The following FKBP5 variants were observed in gnomAD, a reference collection of about 807,000 sequenced individuals.
FKBP5 encodes the protein peptidyl-prolyl cis-trans isomerase FKBP5.
FKBP5 carries 23 observed loss-of-function variants against 50.5 expected under a neutral mutation model. That is an observed-to-expected ratio of 0.46 (90% CI 0.33 to 0.65). The LOEUF is 0.65. Among genes scored for constraint, FKBP5 ranks in the 30% least tolerant of loss-of-function variants. The probability of loss-of-function intolerance (pLI) is 0.02; values close to 1 mark genes in which losing one functional copy is unlikely to be tolerated. For synonymous variants in FKBP5, 176 were observed against 190.6 expected (o/e 0.92, Z 0.63); for missense variants, 411 against 553.1 (o/e 0.74, Z 2.58).
At chr6:35,606,548 T>C (rs898172218) in intron 5 of FKBP5, among the ~76,000 whole-genome samples, 1 of 150,876 alleles carries the variant, frequency 6.6e-6, no homozygotes, top group Non-Finnish European at 1.5e-5. Context: ...TAGTCCCAGC[T>C]ACTCGGGAGG....
At chr6:35,692,205 G>A (rs920187545), upstream of FKBP5, among the ~76,000 whole-genome samples, 4 of 152,106 alleles carry the variant, frequency 2.6e-5, no homozygotes, top group South Asian at 2.1e-4. Flanking sequence ...GCCTGGAACC[G>A]CTGGGCTCAA....
chr6:35,576,134 T>C (rs1482339721), intron 10 of FKBP5, among the ~76,000 whole-genome samples, 192 bp from the exon 11 acceptor site: 3 of 152,190 alleles, frequency 2.0e-5, no homozygotes, highest in East Asian at 1.9e-4. Context: ...GGTTGACACA[T>C]GGGACAGCTG....
At chr6:35,702,024 T>C (rs142108870) in intron 2 of FKBP5, among the ~76,000 whole-genome samples, 20 of 152,206 alleles carry the variant, frequency 1.3e-4, no homozygotes, top group Non-Finnish European at 2.9e-4. Context: ...ATTTGTGTAT[T>C]TTTAGTAGAG....
At chr6:35,586,483 T>C (rs1002575726) in intron 8 of FKBP5, 3 of 988,094 alleles carry the variant, frequency 3.0e-6, no homozygotes, top group Non-Finnish European at 2.4e-6. Flanking sequence ...TAAAGGAAGA[T>C]GGGCCCGGTG....
chr6:35,585,903 C>G, intron 8 of FKBP5: 1 of 985,082 alleles, frequency 1.0e-6, no homozygotes, highest in Non-Finnish European at 1.2e-6. Context: ...TTACATAATT[C>G]TCTAGTTGTT....
chr6:35,706,424 CAA>C (rs71002595), intron 2 of FKBP5, among the ~76,000 whole-genome samples: 51,393 of 102,974 alleles, frequency 0.5, 8,330 homozygotes, highest in East Asian at 0.55. Context: ...AACTCTGTCT[CAA>C]AAAAAAAAAA....
chr6:35,624,952 A>G (rs1277940949), intron 3 of FKBP5, among the ~76,000 whole-genome samples: 6 of 152,232 alleles, frequency 3.9e-5, no homozygotes, highest in Non-Finnish European at 8.8e-5. Flanking sequence ...ACAGAACAAG[A>G]AACCAGTTGT....
intron 1 of FKBP5, among the ~76,000 whole-genome samples, chr6:35,680,895 C>G (rs574261850): frequency 9.8e-5 from 15 of 152,310 alleles, no homozygotes; most frequent in Middle Eastern, 3.4e-3. Context: ...AGTCACATTC[C>G]CTAGGTGACA....
At chr6:35,669,954 T>C (rs187871179) in intron 1 of FKBP5, among the ~76,000 whole-genome samples, 163 of 152,344 alleles carry the variant, frequency 1.1e-3, no homozygotes, top group African/African-American at 3.6e-3. Context: ...ATTACTGGTA[T>C]AAAGATTTCT....
chr6:35,674,460 CG>C (rs1397746701), intron 1 of FKBP5, among the ~76,000 whole-genome samples: 3 of 152,114 alleles, frequency 2.0e-5, no homozygotes. Context: ...AACTGTGCCC[CG>C]ACATATTCAT....
At chr6:35,640,522 C>T (rs765874734) in intron 2 of FKBP5, among the ~76,000 whole-genome samples, 7 of 152,044 alleles carry the variant, frequency 4.6e-5, no homozygotes, top group Non-Finnish European at 8.8e-5. Flanking sequence ...CATACACTAC[C>T]GTAGACTTTA....
chr6:35,585,119 T>C, intron 8 of FKBP5: 4 of 983,842 alleles, frequency 4.1e-6, no homozygotes, highest in Non-Finnish European at 4.8e-6. Context: ...TGAATCGATA[T>C]AATTCTAGTC....
intron 2 of FKBP5, among the ~76,000 whole-genome samples, chr6:35,711,526 G>A (rs1766412507): frequency 6.6e-6 from 1 of 152,022 alleles, no homozygotes; most frequent in African/African-American, 2.4e-5. Context: ...GCTGAGGCAG[G>A]AGAATTGCTC....
At chr6:35,655,392 T>C (rs1480186347) in intron 1 of FKBP5, among the ~76,000 whole-genome samples, 2 of 152,212 alleles carry the variant, frequency 1.3e-5, no homozygotes, top group African/African-American at 4.8e-5. Context: ...GTCTAGGTTT[T>C]CTATAGAAAG....
At chr6:35,714,308 C>T (rs1171802689) in intron 2 of FKBP5, among the ~76,000 whole-genome samples, 9 of 122,296 alleles carry the variant, frequency 7.4e-5, no homozygotes, top group Non-Finnish European at 8.5e-5. Context: ...AAAAATTAGC[C>T]GGGCGTGGTG....
chr6:35,706,438 A>AAAG (rs1225067655), intron 2 of FKBP5, among the ~76,000 whole-genome samples: 4 of 151,334 alleles, frequency 2.6e-5, no homozygotes, highest in East Asian at 1.9e-4. Flanking sequence ...AAAAAAAAAA[A>AAAG]AAAAGAAAAG....
In FKBP5 at chr6:35,701,599, G is replaced by A. The variant is rs181228248; in HGVS notation, c.-20+18729C>T. On this transcript the variant is annotated intron_variant, in intron 2 of 11. Transcript: ENST00000536438. ...TCTGTTGCAAGGCTGGAGTGCAGTGGTGCAATCTCAGCTCACTGCAGCCTC... is the reference window on the plus strand; with the variant it reads ...TCTGTTGCAAGGCTGGAGTGCAGTGATGCAATCTCAGCTCACTGCAGCCTC... Among the ~76,000 whole-genome samples the A allele has an allele frequency of 2.8e-4, 43 of 152,220 alleles. No individual in the cohort carries two copies. In the South Asian group the frequency reaches 3.9e-3, roughly 14 times the overall value.
intron 6 of FKBP5, among the ~76,000 whole-genome samples, chr6:35,595,775 T>C (rs771606723): frequency 1.2e-4 from 19 of 152,062 alleles, no homozygotes; most frequent in Middle Eastern, 3.4e-3. Context: ...AATTAGAGAT[T>C]ATTTGGATAT....
chr6:35,698,306 C>T (rs1355822651), intron 2 of FKBP5, among the ~76,000 whole-genome samples: 2 of 151,736 alleles, frequency 1.3e-5, no homozygotes, highest in African/African-American at 2.4e-5. Context: ...CGCACCACTG[C>T]ACTCCAGCCT....
Sources: allele counts gnomAD v4.1 joint callset (sites outside exome capture counted in the v4.1 genomes callset), GRCh38; gene constraint gnomAD v4.1.1; transcripts MANE v1.5; gene names NCBI Gene and HGNC (gene_info 2026-07-23, HGNC 2026-07-21).